Variants in ARSH observed in about 807,000 individuals in gnomAD.
ARSH encodes arylsulfatase family member H.
Under a neutral mutation model 28.7 loss-of-function variants are expected in ARSH, and 32 were observed. That is an observed-to-expected ratio of 1.11 (90% CI 0.84 to 1.50). The LOEUF is 1.50. Ranked by LOEUF, ARSH falls within the 40% of genes most tolerant of loss-of-function variation. The pLI, the probability that ARSH is intolerant of heterozygous loss-of-function variation, is 0.00. For missense variants in ARSH, 440 were observed against 452.4 expected, an observed-to-expected ratio of 0.97 and a Z score of 0.25; for synonymous variants, 176 against 177.3, an observed-to-expected ratio of 0.99 and a Z score of 0.06.
chrX:3,020,588 C>CAAAAAA (rs759581189), intron 5 of ARSH, among the ~76,000 whole-genome samples: 15 of 44,331 alleles, frequency 3.4e-4, no homozygotes, highest in Non-Finnish European at 5.4e-4. Context: ...GACTCAGTCT[C>CAAAAAA]AAAAAAAAAA....
Position 3,015,205 on chromosome X carries a change from GC to G in ARSH, c.578del (p.Pro193HisfsTer34), listed in dbSNP as rs754274258. The G allele has an allele frequency of 8.3e-7, 1 of 1,208,615 alleles. No individual in the cohort carries two copies. Among genetic ancestry groups the G allele is most frequent in the African/African-American group, 1.8e-5 (1 of 57,031 alleles). On this transcript the variant is annotated frameshift_variant, in exon 4 of 9. Coordinates refer to ENST00000381130, the MANE Select transcript of ARSH (RefSeq NM_001011719.2). LOFTEE classifies it high-confidence loss of function. ...CCAAGTTCGCCCGCTGGTTCTCAGT[GC>G]CATGGAAGGTCATCTTTGTCTTTGC... ...IPKFARWFSV[P>X]WKVIFVFALL...
chrX:3,024,167 T>C lies in ARSH; in HGVS notation c.1036+12T>C, dbSNP rs1365509745. ...CGGGATCTACAAAGGTGATTGTGTGTAGAGAACCAACGCCTGTCCATTTTA... is the reference window on the plus strand; with the variant it reads ...CGGGATCTACAAAGGTGATTGTGTGCAGAGAACCAACGCCTGTCCATTTTA... On this transcript the variant is annotated intron_variant, in intron 6 of 8. Coordinates refer to ENST00000381130, the MANE Select transcript of ARSH (RefSeq NM_001011719.2). 3 of 1,157,861 alleles carry C rather than the reference T, an allele frequency of 2.6e-6. No individual in the cohort carries two copies. Among genetic ancestry groups the C allele is most frequent in the Non-Finnish European group, 3.4e-6 (3 of 871,383 alleles).
chrX:3,028,427 T>C (rs1186999161), intron 7 of ARSH, among the ~76,000 whole-genome samples: 1 of 109,169 alleles, frequency 9.2e-6, no homozygotes, highest in East Asian at 3.0e-4. Context: ...GCCAGGATGG[T>C]CTCGATCTCT....
chrX:3,006,838 C>T, intron 1 of ARSH, 134 bp downstream of exon 1: 1 of 486,330 alleles, frequency 2.1e-6, no homozygotes, highest in East Asian at 4.0e-5. Context: ...TAGCAGAGGT[C>T]ACTGGGGAAA....
At chrX:3,012,637 T>C (rs1356389975) in intron 2 of ARSH, among the ~76,000 whole-genome samples, 1 of 70,018 alleles carries the variant, frequency 1.4e-5, no homozygotes, top group Admixed American at 2.1e-4. Flanking sequence ...CACACACATA[T>C]GAAAAAGAAA....
At chrX:3,016,222 G>A (rs1198309369) in intron 4 of ARSH, among the ~76,000 whole-genome samples, 1 of 109,612 alleles carries the variant, frequency 9.1e-6, no homozygotes, top group African/African-American at 3.3e-5. Context: ...ATATTGCCCA[G>A]GCTGGTCTCA....
In ARSH at chrX:3,030,140, G is replaced by A. The variant is rs747202142; in HGVS notation, c.1321+772G>A. Among the ~76,000 whole-genome samples the A allele has an allele frequency of 5.4e-5, 6 of 111,324 alleles. No individual in the cohort carries two copies. In the East Asian group the frequency reaches 1.1e-3, roughly 21 times the overall value. ...GATATGCCCTACCACACAGGTTCAC[G>A]GTGGGAAGCACCAGGGCTTGGCTTG... is the stretch of plus-strand genomic sequence containing the variant. On this transcript the variant is annotated intron_variant, in intron 8 of 8. Coordinates refer to ENST00000381130, the MANE Select transcript of ARSH (RefSeq NM_001011719.2).
Position 3,006,716 on chromosome X carries a change from C to T in ARSH, c.92+12C>T. On this transcript the variant is annotated intron_variant, in intron 1 of 8. Transcript: ENST00000381130. ...AATAACTCAGTGAGGTAAAGATGGA[C>T]TCTGACCCCCTCCCTGTATGTGGGA... 1 of 1,168,471 alleles carries T rather than the reference C, an allele frequency of 8.6e-7. No homozygotes were observed. The highest frequency in any genetic ancestry group is 1.8e-5 in the African/African-American group (1 of 56,838).
At chrX:3,012,568 A>AATATATATAT (rs1183166715) in intron 2 of ARSH, among the ~76,000 whole-genome samples, 1 of 21,812 alleles carries the variant, frequency 4.6e-5, no homozygotes, top group African/African-American at 2.5e-4. Context: ...AAAAAAAAAA[A>AATATATATAT]ATATATATAT....
At chrX:3,032,027 A>C (rs1380415789) in intron 8 of ARSH, among the ~76,000 whole-genome samples, 1 of 111,904 alleles carries the variant, frequency 8.9e-6, no homozygotes, top group African/African-American at 3.2e-5. Context: ...ATCCTATTTT[A>C]GTAGGAAAGC....
intron 8 of ARSH, among the ~76,000 whole-genome samples, chrX:3,030,494 T>A (rs1288747901): frequency 9.0e-6 from 1 of 111,565 alleles, no homozygotes; most frequent in Non-Finnish European, 1.9e-5. Flanking sequence ...ACTGGGTAAT[T>A]TATAAAGGAA....
At chrX:3,032,455 G>A (rs1163434136) in intron 8 of ARSH, among the ~76,000 whole-genome samples, 1 of 102,986 alleles carries the variant, frequency 9.7e-6, no homozygotes, top group Non-Finnish European at 2.0e-5. Context: ...GGAAGGAAGG[G>A]AAGTAAAGGA....
At position 3,015,507 on chromosome X, in the gene ARSH, G is replaced by A. The variant is rs752657629; in HGVS notation, c.764+114G>A. The A allele has an allele frequency of 2.6e-5, 20 of 759,616 alleles. No individual in the cohort carries two copies. In the South Asian group the frequency reaches 4.9e-4, roughly 19 times the overall value. The allele number at this position is 759,616 out of a possible 1,213,427, so 62.6% of individuals were successfully genotyped here. A position where few individuals can be genotyped will look rare whatever the true frequency, so the allele number is the denominator to read the frequency against. ...TAAAAGTCTCTTGGAGAGAATGTGC[G>A]GCATTTGGCTTTCTGTTCCTGTATT... is the stretch of plus-strand genomic sequence containing the variant. On this transcript the variant is annotated intron_variant, in intron 4 of 8. Coordinates refer to ENST00000381130, the MANE Select transcript of ARSH (RefSeq NM_001011719.2).
intron 4 of ARSH, among the ~76,000 whole-genome samples, chrX:3,017,850 C>T (rs940051673): frequency 1.8e-5 from 2 of 112,140 alleles, no homozygotes; most frequent in Non-Finnish European, 3.8e-5. Context: ...TTCTTCTGAA[C>T]TCATACCTAA....
At chrX:3,011,921 C>G (rs2089847773) in intron 2 of ARSH, among the ~76,000 whole-genome samples, 1 of 111,643 alleles carries the variant, frequency 9.0e-6, no homozygotes, top group Admixed American at 9.5e-5. Context: ...CAGCTCATTG[C>G]AACCTCTGCC....
rs546163669 is a variant in ARSH at position 3,019,037 on chromosome X, G to A, written c.901+367G>A. 3.0e-3 allele frequency among the ~76,000 whole-genome samples: 336 copies of A among 111,408 alleles called. 4 individuals carry two copies. Among genetic ancestry groups the A allele is most frequent in the African/African-American group, 0.01 (318 of 30,688 alleles). On this transcript the variant is annotated intron_variant, in intron 5 of 8. Coordinates refer to ENST00000381130, the MANE Select transcript of ARSH (RefSeq NM_001011719.2). ...CCCAGCACTTTGAAAGGCCAAGGCT[G>A]GCAGATCACTTGAGGTCAGGAGTTC...
chrX:3,008,740 TG>T (rs1318300660), intron 1 of ARSH, among the ~76,000 whole-genome samples: 3 of 31,414 alleles, frequency 9.5e-5, no homozygotes, highest in Non-Finnish European at 1.7e-4. Context: ...TCTTTTGTTT[TG>T]TTTTTTTTTT....
At chrX:3,024,232 A>T in intron 6 of ARSH, 77 bp downstream of exon 6, 1 of 958,399 alleles carries the variant, frequency 1.0e-6, no homozygotes, top group Non-Finnish European at 1.4e-6. Context: ...GCTTGAATTC[A>T]TTTGCCATGA....
rs59764713 is a variant in ARSH at position 3,024,720 on chromosome X, G to C, written c.1036+565G>C. Among the ~76,000 whole-genome samples the C allele has an allele frequency of 8.7e-3, 970 of 111,458 alleles. 13 individuals are homozygous for C. Among genetic ancestry groups the C allele is most frequent in the African/African-American group, 0.031 (943 of 30,728 alleles). ...AGTGTTATGTGGATCAGAAAAAAGA[G>C]TTTTTCATTTGACTGGGGTGCCTAG... On this transcript the variant is annotated intron_variant, in intron 6 of 8. Coordinates refer to ENST00000381130, the MANE Select transcript of ARSH (RefSeq NM_001011719.2).
Sources: allele counts gnomAD v4.1 joint callset (sites outside exome capture counted in the v4.1 genomes callset), GRCh38; gene constraint gnomAD v4.1.1; transcripts MANE v1.5; gene names NCBI Gene and HGNC (gene_info 2026-07-23, HGNC 2026-07-21).